The following CCDC85A variants were observed in gnomAD, a reference collection of about 807,000 sequenced individuals.
The protein encoded by CCDC85A is coiled-coil domain-containing protein 85A.
A neutral mutation model predicts 50.2 loss-of-function variants in CCDC85A; 38 were observed. The observed-to-expected ratio is 0.76, with a 90% CI of 0.58 to 0.99. The LOEUF (loss-of-function observed/expected upper bound fraction) is 0.99. Among genes scored for constraint, CCDC85A ranks in the 50% least tolerant of loss-of-function variants. The pLI, the probability that CCDC85A is intolerant of heterozygous loss-of-function variation, is 0.00. For synonymous variants in CCDC85A, 366 were observed against 301.4 expected (o/e 1.21, Z -2.22); for missense variants, 820 against 742.0 (o/e 1.11, Z -1.22).
At chr2:56,234,890 T>C (rs905734763) in intron 2 of CCDC85A, among the ~76,000 whole-genome samples, 15 of 152,340 alleles carry the variant, frequency 9.8e-5, no homozygotes, top group African/African-American at 3.4e-4. Context: ...TTGAATAGCT[T>C]TTATCATCTT....
intron 2 of CCDC85A, among the ~76,000 whole-genome samples, chr2:56,310,608 C>T (rs1038018558): frequency 2.0e-5 from 3 of 152,124 alleles, no homozygotes; most frequent in African/African-American, 4.8e-5. Context: ...TGATCTACTT[C>T]AGCATTTGAG....
At chr2:56,267,780 C>T (rs1353339919) in intron 2 of CCDC85A, among the ~76,000 whole-genome samples, 1 of 152,166 alleles carries the variant, frequency 6.6e-6, no homozygotes, top group Non-Finnish European at 1.5e-5. Context: ...AATAGAATTA[C>T]ACTTACAATA....
chr2:56,372,024 T>C (rs995052077), intron 3 of CCDC85A, among the ~76,000 whole-genome samples: 1 of 152,184 alleles, frequency 6.6e-6, no homozygotes, highest in African/African-American at 2.4e-5. Flanking sequence ...TATTATTATT[T>C]TATGCTGGTA....
chr2:56,315,350 G>A (rs994968249), intron 2 of CCDC85A, among the ~76,000 whole-genome samples: 1 of 152,112 alleles, frequency 6.6e-6, no homozygotes, highest in African/African-American at 2.4e-5. Context: ...TTTTGGGAAT[G>A]GGAAGATTTT....
rs1271466862 is a variant in CCDC85A, at chr2:56,193,429, G to T, written c.1229G>T (p.Ser410Ile). Residue 410 changes from serine to isoleucine, a missense_variant, in exon 2 of 6, where the codon AGT becomes ATT. By Grantham distance (142) the Ser-to-Ile change is moderately radical. Coordinates refer to ENST00000407595, the MANE Select transcript of CCDC85A (RefSeq NM_001080433.2). Reference sequence around the variant, plus strand: ...TCACCCCATCACCGGAATGTCTACAGTGGCATGAACGGTGGGTCAGTATGT... The same window carrying T: ...TCACCCCATCACCGGAATGTCTACATTGGCATGAACGGTGGGTCAGTATGT... Reference protein sequence around the residue: ...DGSPHHRNVYSGMNESTLSYV... With the variant: ...DGSPHHRNVYIGMNESTLSYV... The T allele has an allele frequency of 6.2e-7, 1 of 1,606,154 alleles. No individual in the cohort carries two copies. Among genetic ancestry groups the T allele is most frequent in the Non-Finnish European group, 8.5e-7 (1 of 1,176,514 alleles).
intron 2 of CCDC85A, among the ~76,000 whole-genome samples, chr2:56,303,602 G>T (rs1672304191): frequency 6.6e-6 from 1 of 152,078 alleles, no homozygotes; most frequent in Admixed American, 6.6e-5. Flanking sequence ...GGAAGACTTG[G>T]GAGAATGAAT....
intron 2 of CCDC85A, among the ~76,000 whole-genome samples, chr2:56,273,552 G>T (rs959833247): frequency 6.6e-6 from 1 of 152,030 alleles, no homozygotes; most frequent in Non-Finnish European, 1.5e-5. Context: ...AATCAAGTAT[G>T]AGATTAATTA....
intron 3 of CCDC85A, among the ~76,000 whole-genome samples, chr2:56,358,085 A>C (rs1371774120): frequency 6.6e-6 from 1 of 152,202 alleles, no homozygotes; most frequent in Non-Finnish European, 1.5e-5. Context: ...TATTTTGCTC[A>C]GACTTGTCAC....
At chr2:56,292,190 C>T (rs1353765821) in intron 2 of CCDC85A, among the ~76,000 whole-genome samples, 1 of 152,172 alleles carries the variant, frequency 6.6e-6, no homozygotes, top group East Asian at 1.9e-4. Context: ...TCATGCCATT[C>T]TCCAGCCTCA....
intron 3 of CCDC85A, 132 bp from the exon 4 acceptor site, chr2:56,372,212 C>A: frequency 2.6e-6 from 2 of 780,858 alleles, no homozygotes; most frequent in Non-Finnish European, 1.8e-6. Flanking sequence ...TCCCTAGCTA[C>A]AGGTGCATGT....
At chr2:56,198,113 C>G (rs549256577) in intron 2 of CCDC85A, among the ~76,000 whole-genome samples, 3 of 152,324 alleles carry the variant, frequency 2.0e-5, no homozygotes, top group African/African-American at 7.2e-5. Context: ...GTTGATAACA[C>G]AAAGTGGCCT....
At chr2:56,280,683 G>A (rs1260313267) in intron 2 of CCDC85A, among the ~76,000 whole-genome samples, 7 of 152,166 alleles carry the variant, frequency 4.6e-5, no homozygotes. Context: ...TTGTTATTTA[G>A]TGTTAGAGAG....
At chr2:56,260,408 C>T (rs994735915) in intron 2 of CCDC85A, among the ~76,000 whole-genome samples, 7 of 152,172 alleles carry the variant, frequency 4.6e-5, no homozygotes, top group African/African-American at 1.7e-4. Flanking sequence ...AAGATGTTTG[C>T]CACTGTCCAT....
intron 2 of CCDC85A, among the ~76,000 whole-genome samples, chr2:56,217,808 A>G (rs530076437): frequency 1.3e-5 from 2 of 151,998 alleles, no homozygotes; most frequent in African/African-American, 2.4e-5. Flanking sequence ...TTAATTGTAC[A>G]TGAAAATCAT....
intron 2 of CCDC85A, among the ~76,000 whole-genome samples, chr2:56,334,109 C>G (rs1381687877): frequency 6.6e-6 from 1 of 152,204 alleles, no homozygotes; most frequent in Non-Finnish European, 1.5e-5. Context: ...GCTGTCTTCC[C>G]CAAATCTCTC....
chr2:56,307,498 T>C (rs960993530), intron 2 of CCDC85A, among the ~76,000 whole-genome samples: 15 of 152,286 alleles, frequency 9.8e-5, no homozygotes, highest in Admixed American at 5.2e-4. Context: ...TAAATGGTTC[T>C]TTTTTGCATA....
chr2:56,336,195 C>T (rs745864150), intron 2 of CCDC85A, among the ~76,000 whole-genome samples: 4 of 151,986 alleles, frequency 2.6e-5, no homozygotes, highest in Admixed American at 1.3e-4. Flanking sequence ...CTCTTGTCCC[C>T]CCAGGCTGGA....
At chr2:56,213,073 A>G (rs530972589) in intron 2 of CCDC85A, among the ~76,000 whole-genome samples, 15 of 152,144 alleles carry the variant, frequency 9.9e-5, no homozygotes, top group African/African-American at 3.6e-4. Context: ...CTCATATGCA[A>G]GGTAATTATT....
intron 2 of CCDC85A, among the ~76,000 whole-genome samples, chr2:56,291,089 T>G (rs1427305194): frequency 1.3e-5 from 2 of 152,248 alleles, no homozygotes; most frequent in African/African-American, 4.8e-5. Context: ...TGATGATGAA[T>G]TGTGAAACTT....
Sources: gnomAD v4.1 joint callset for allele counts (sites outside exome capture counted in the v4.1 genomes callset) on GRCh38, gnomAD v4.1.1 for gene constraint, MANE v1.5 for transcripts, NCBI Gene and HGNC (gene_info 2026-07-23, HGNC 2026-07-21) for gene names.